NUDT3: variants seen among roughly 807,000 people sequenced by gnomAD.
NUDT3 encodes diphosphoinositol polyphosphate phosphohydrolase 1.
Under a neutral mutation model 23.6 loss-of-function variants are expected in NUDT3, and 9 were observed. The observed-to-expected ratio is 0.38, with a 90% CI of 0.23 to 0.66. The LOEUF (loss-of-function observed/expected upper bound fraction) is 0.66. Ranked by LOEUF, NUDT3 falls within the 30% of genes least tolerant of loss-of-function variation. The pLI is 0.52. For missense variants in NUDT3, 172 were observed against 218.5 expected, an observed-to-expected ratio of 0.79 and a Z score of 1.34; for synonymous variants, 86 against 82.6, an observed-to-expected ratio of 1.04 and a Z score of -0.22.
chr6:34,375,631 A>T (rs1162716571), intron 1 of NUDT3, among the ~76,000 whole-genome samples: 1 of 152,214 alleles, frequency 6.6e-6, no homozygotes, highest in Non-Finnish European at 1.5e-5. Context: ...TCTCCTTCTC[A>T]GAATAGATCC....
chr6:34,338,012 T>C (rs905074797), intron 2 of NUDT3, among the ~76,000 whole-genome samples: 1 of 152,236 alleles, frequency 6.6e-6, no homozygotes, highest in East Asian at 1.9e-4. Flanking sequence ...ACCACACTTA[T>C]TTGAACAGTC....
intron 2 of NUDT3, among the ~76,000 whole-genome samples, chr6:34,336,928 C>G (rs1376619348): frequency 6.6e-6 from 1 of 152,126 alleles, no homozygotes; most frequent in African/African-American, 2.4e-5. Context: ...ATCTTGAAAA[C>G]TAAGTGAATC....
intron 1 of NUDT3, among the ~76,000 whole-genome samples, chr6:34,383,490 C>T (rs1021948519): frequency 1.3e-5 from 2 of 152,146 alleles, no homozygotes; most frequent in East Asian, 1.9e-4. Flanking sequence ...CCAGCTCAAG[C>T]GATCCTCCCA....
At chr6:34,392,139 G>C in intron 1 of NUDT3, 125 bp downstream of exon 1, 1 of 657,324 alleles carries the variant, frequency 1.5e-6, no homozygotes, top group Non-Finnish European at 2.5e-6. Flanking sequence ...AAATTCCATC[G>C]GAACTTCATT....
intron 1 of NUDT3, among the ~76,000 whole-genome samples, chr6:34,374,755 C>T (rs527371001): frequency 3.3e-5 from 5 of 152,256 alleles, no homozygotes; most frequent in African/African-American, 1.2e-4. Context: ...GTGGTTCCTG[C>T]CTTCGTTACA....
chr6:34,357,476 G>A (rs1367512132), intron 1 of NUDT3, among the ~76,000 whole-genome samples: 2 of 151,940 alleles, frequency 1.3e-5, no homozygotes, highest in Non-Finnish European at 2.9e-5. Flanking sequence ...GCGGGGCATG[G>A]TAGTGAGCAC....
intron 2 of NUDT3, among the ~76,000 whole-genome samples, chr6:34,315,617 A>G (rs57747964): frequency 1.7e-3 from 262 of 152,338 alleles, no homozygotes; most frequent in African/African-American, 6.1e-3. Flanking sequence ...GTACAGACAT[A>G]TCTGTTATAA....
At chr6:34,361,761 T>C (rs1295470325) in intron 1 of NUDT3, among the ~76,000 whole-genome samples, 1 of 152,214 alleles carries the variant, frequency 6.6e-6, no homozygotes, top group South Asian at 2.1e-4. Context: ...GAAGCCAACA[T>C]GAAAAGGCCA....
At position 34,365,872 on chromosome 6, in the gene NUDT3, T is replaced by C. The variant is rs1451199183; in HGVS notation, c.100-23900A>G. 3.3e-5 allele frequency among the ~76,000 whole-genome samples: 5 copies of C among 152,154 alleles called. No homozygotes were observed. In the East Asian group the frequency reaches 9.7e-4, roughly 30 times the overall value. ...GCCTGGCCAACATGGTGAAAGCTCG[T>C]CTCTACTAAAATACAAAAATTAGCC... On this transcript the variant is annotated intron_variant, in intron 1 of 4. Coordinates refer to ENST00000607016, the MANE Select transcript of NUDT3 (RefSeq NM_006703.4).
At chr6:34,363,655 T>C (rs1764682203) in intron 1 of NUDT3, among the ~76,000 whole-genome samples, 1 of 152,214 alleles carries the variant, frequency 6.6e-6, no homozygotes. Context: ...ACCTTTCCCA[T>C]GTCCAGTTCA....
chr6:34,326,283 T>G (rs1318140737), intron 2 of NUDT3, among the ~76,000 whole-genome samples: 2 of 152,236 alleles, frequency 1.3e-5, no homozygotes, highest in Non-Finnish European at 1.5e-5. Flanking sequence ...TTTCTAATTT[T>G]AACATTTTTA....
Position 34,285,551 on chromosome 6 carries a change from T to C in NUDT3, c.*3202A>G, listed in dbSNP as rs1217766184. The C allele has an allele frequency of 3.3e-5, 5 of 152,242 alleles. No homozygotes were observed. The highest frequency in any genetic ancestry group is 5.9e-5 in the Non-Finnish European group (4 of 68,040). The allele number at this position is 152,242 out of a possible 1,614,324, so 9.4% of individuals were successfully genotyped here. On this transcript the variant is annotated 3_prime_UTR_variant, in exon 5 of 5. Transcript: ENST00000607016. ...GGGATCTGCCCTAAACATAGGAACC[T>C]GTTTCTATCAAGCCTGAATGAGGTC...
intron 2 of NUDT3, among the ~76,000 whole-genome samples, chr6:34,309,210 A>G (rs141179933): frequency 3.3e-5 from 5 of 150,086 alleles, no homozygotes; most frequent in African/African-American, 7.3e-5. Flanking sequence ...ATGAAACCCT[A>G]TCTCAAAAAA....
intron 1 of NUDT3, among the ~76,000 whole-genome samples, chr6:34,353,130 A>C (rs1764503001): frequency 6.6e-6 from 1 of 152,186 alleles, no homozygotes; most frequent in African/African-American, 2.4e-5. Flanking sequence ...TATGAGTATA[A>C]ACAAATACAT....
At chr6:34,298,256 G>C (rs998751658) in intron 2 of NUDT3, among the ~76,000 whole-genome samples, 6 of 152,080 alleles carry the variant, frequency 3.9e-5, no homozygotes, top group African/African-American at 1.4e-4. Context: ...AGCTACTCAG[G>C]AGGCTGAAGT....
chr6:34,351,284 G>C (rs373823535), intron 1 of NUDT3, among the ~76,000 whole-genome samples: 1 of 143,156 alleles, frequency 7.0e-6, no homozygotes, highest in Non-Finnish European at 1.5e-5. Flanking sequence ...AGACCAGTCT[G>C]GGCAATATGG....
chr6:34,385,919 T>C (rs963582082), intron 1 of NUDT3, among the ~76,000 whole-genome samples: 83 of 152,292 alleles, frequency 5.5e-4, no homozygotes, highest in African/African-American at 1.8e-3. Flanking sequence ...CCTGGGCTCA[T>C]GTGATCCGCC....
chr6:34,390,907 A>G (rs868410230), intron 1 of NUDT3, among the ~76,000 whole-genome samples: 2 of 152,346 alleles, frequency 1.3e-5, no homozygotes, highest in Middle Eastern at 3.4e-3. Flanking sequence ...TATGCATTCC[A>G]AAACAGTATA....
At chr6:34,289,086 T>G (rs1471619031) in intron 4 of NUDT3, among the ~76,000 whole-genome samples, 155 bp from the exon 5 acceptor site, 1 of 152,208 alleles carries the variant, frequency 6.6e-6, no homozygotes. Flanking sequence ...CTTCAAATAT[T>G]ATATCAATGT....
Sources: gnomAD v4.1 joint callset for allele counts (sites outside exome capture counted in the v4.1 genomes callset) on GRCh38, gnomAD v4.1.1 for gene constraint, MANE v1.5 for transcripts, NCBI Gene and HGNC (gene_info 2026-07-23, HGNC 2026-07-21) for gene names.